The following UTP4 variants were observed in gnomAD, a reference collection of about 807,000 sequenced individuals.
UTP4 encodes U3 small nucleolar RNA-associated protein 4 homolog.
Under a neutral mutation model 82.4 loss-of-function variants are expected in UTP4, and 45 were observed. That is an observed-to-expected ratio of 0.55 (90% CI 0.43 to 0.70). The LOEUF (loss-of-function observed/expected upper bound fraction) is 0.70, where lower values mean the gene tolerates loss of function less well. Ranked by LOEUF, UTP4 falls within the 30% of genes least tolerant of loss-of-function variation. The pLI is 0.00. For missense variants in UTP4, 819 were observed against 858.3 expected (o/e 0.95, Z 0.57); for synonymous variants, 348 against 300.3 (o/e 1.16, Z -1.64).
At chr16:69,165,629 G>A (rs776692141) in intron 15 of UTP4, 103 bp downstream of exon 15, 18 of 983,836 alleles carry the variant, frequency 1.8e-5, no homozygotes, top group Non-Finnish European at 2.7e-5. Context: ...AATAAAGGTA[G>A]CTAGTAAATC....
In UTP4 at chr16:69,157,190, A is replaced by G. The variant is rs1356994021; in HGVS notation, c.1394A>G (p.Gln465Arg). 3 of 1,614,094 alleles carry G rather than the reference A, an allele frequency of 1.9e-6. No individual in the cohort carries two copies. In the African/African-American group the frequency reaches 4.0e-5, roughly 22 times the overall value. Residue 465 changes from glutamine to arginine, a missense_variant, in exon 12 of 17, where the codon CAG (glutamine) becomes CGG (arginine). Physicochemically the swap from Gln to Arg is conservative, Grantham distance 43 (BLOSUM62 1). Coordinates refer to ENST00000314423, the MANE Select transcript of UTP4 (RefSeq NM_032830.3). Reference sequence around the variant, plus strand: ...AATCAAGGAGCTCTGCATATTGTTCAGCTGTCAGGAGGAAGCTTCAAGCAC... The same window carrying G: ...AATCAAGGAGCTCTGCATATTGTTCGGCTGTCAGGAGGAAGCTTCAAGCAC... ...ASNQGALHIV[Q>R]LSGGSFKHLH...
At chr16:69,164,761 G>A (rs554018404) in intron 14 of UTP4, among the ~76,000 whole-genome samples, 4 of 151,888 alleles carry the variant, frequency 2.6e-5, no homozygotes, top group African/African-American at 9.7e-5. Context: ...ATGATACATG[G>A]ACAAAATGAG....
chr16:69,166,500 A>T (rs1352890032), intron 15 of UTP4: 1 of 153,434 alleles, frequency 6.5e-6, no homozygotes, highest in Non-Finnish European at 1.4e-5. Flanking sequence ...GCTTCCTTAC[A>T]GTAGGCATAG....
intron 13 of UTP4, among the ~76,000 whole-genome samples, chr16:69,162,021 G>A (rs1158908247): frequency 6.6e-6 from 1 of 151,136 alleles, no homozygotes; most frequent in African/African-American, 2.4e-5. Flanking sequence ...AGGCTGGAGT[G>A]TGGTGGCGCA....
At chr16:69,140,218 C>T (rs1476656975) in intron 5 of UTP4, among the ~76,000 whole-genome samples, 1 of 152,112 alleles carries the variant, frequency 6.6e-6, no homozygotes, top group Non-Finnish European at 1.5e-5. Context: ...TTATAGATCC[C>T]AGTCCTTGGT....
chr16:69,156,361 T>G (rs1963415465), intron 11 of UTP4, among the ~76,000 whole-genome samples: 2 of 151,888 alleles, frequency 1.3e-5, no homozygotes, highest in Non-Finnish European at 2.9e-5. Flanking sequence ...CACCACCCGT[T>G]GGCCATGCTG....
At chr16:69,152,113 C>T (rs998803589) in intron 8 of UTP4, among the ~76,000 whole-genome samples, 8 of 150,908 alleles carry the variant, frequency 5.3e-5, no homozygotes, top group African/African-American at 2.0e-4. Context: ...TGAACATAGT[C>T]CTCATAATCT....
intron 14 of UTP4, among the ~76,000 whole-genome samples, chr16:69,164,593 T>G: frequency 8.3e-6 from 1 of 120,670 alleles, no homozygotes; most frequent in African/African-American, 2.9e-5. Context: ...TCTTTATATA[T>G]ATATATATAT....
chr16:69,149,433 C>T (rs1466019014), intron 6 of UTP4, among the ~76,000 whole-genome samples: 1 of 151,698 alleles, frequency 6.6e-6, no homozygotes, highest in Non-Finnish European at 1.5e-5. Context: ...GCCTGTAATC[C>T]CAGCTACTTG....
At chr16:69,142,510 A>G (rs915949494) in intron 5 of UTP4, among the ~76,000 whole-genome samples, 5 of 152,166 alleles carry the variant, frequency 3.3e-5, no homozygotes, top group African/African-American at 1.2e-4. Flanking sequence ...GGGGTCTACC[A>G]GCTGTTAACG....
chr16:69,144,682 A>G (rs1341385332), intron 6 of UTP4, among the ~76,000 whole-genome samples: 1 of 152,198 alleles, frequency 6.6e-6, no homozygotes, highest in Non-Finnish European at 1.5e-5. Flanking sequence ...TAGTGTTCCT[A>G]TTCCATATCA....
intron 11 of UTP4, among the ~76,000 whole-genome samples, chr16:69,156,607 C>T (rs550048750): frequency 3.3e-5 from 5 of 152,058 alleles, no homozygotes; most frequent in Admixed American, 2.6e-4. Context: ...TACAGGTGCC[C>T]ACCACCAGGC....
intron 14 of UTP4, 56 bp from the exon 15 acceptor site, chr16:69,165,285 C>T (rs1216860817): frequency 2.0e-6 from 3 of 1,469,242 alleles, no homozygotes; most frequent in African/African-American, 1.4e-5. Flanking sequence ...ATGAGAATGC[C>T]CTTCTGGTCT....
chr16:69,142,630 C>T (rs903747192), intron 5 of UTP4, among the ~76,000 whole-genome samples: 1 of 152,196 alleles, frequency 6.6e-6, no homozygotes, highest in African/African-American at 2.4e-5. Context: ...GCTTTCCTCT[C>T]TGCCGACCTG....
chr16:69,139,677 A>AATAG, intron 4 of UTP4, 148 bp from the exon 5 acceptor site: 1 of 301,938 alleles, frequency 3.3e-6, no homozygotes, highest in Non-Finnish European at 6.0e-6. Context: ...TAAATAAATA[A>AATAG]ATAAATAAAA....
At chr16:69,147,505 C>T (rs1030209396) in intron 6 of UTP4, among the ~76,000 whole-genome samples, 4 of 149,996 alleles carry the variant, frequency 2.7e-5, no homozygotes, top group African/African-American at 1.0e-4. Flanking sequence ...ACTCTGTCTC[C>T]AAACAAACAA....
chr16:69,159,971 C>G (rs1390199159), intron 12 of UTP4, among the ~76,000 whole-genome samples: 5 of 148,316 alleles, frequency 3.4e-5, no homozygotes, highest in Non-Finnish European at 7.4e-5. Flanking sequence ...AGTGACAGAG[C>G]TAGACTCCAT....
At chr16:69,135,017 CTTT>C (rs1027253401) in intron 2 of UTP4, among the ~76,000 whole-genome samples, 2 of 133,296 alleles carry the variant, frequency 1.5e-5, no homozygotes, top group African/African-American at 2.8e-5. Context: ...TGTTCTTCTT[CTTT>C]TTTTTTTTTT....
rs144266389 is a variant in UTP4 at position 69,143,266 on chromosome 16, C to T, written c.615C>T (p.Ser205=). Residue 205 remains serine (S), a synonymous_variant, in exon 6 of 17, where the codon TCC becomes TCT. Transcript: ENST00000314423. The part of the protein sequence containing the change: ...KCIVWGVAFL[S]DGTIISVDSA... ...TCGTGTGGGGTGTCGCCTTCTTGTC[C>T]GATGGCACTATCATAAGTGTGGACT... 6,045 of 1,614,126 alleles carry T rather than the reference C, an allele frequency of 3.7e-3. 36 individuals carry two copies. The highest frequency in any genetic ancestry group is 3.6e-3 in the Non-Finnish European group (4,191 of 1,180,000).
Sources: gnomAD v4.1 joint callset for allele counts (sites outside exome capture counted in the v4.1 genomes callset) on GRCh38, gnomAD v4.1.1 for gene constraint, MANE v1.5 for transcripts, NCBI Gene and HGNC (gene_info 2026-07-23, HGNC 2026-07-21) for gene names.